The following FAM193A variants were observed in gnomAD, a reference collection of about 807,000 sequenced individuals.
FAM193A encodes protein FAM193A.
A neutral mutation model predicts 126.5 loss-of-function variants in FAM193A; 22 were observed. That is an observed-to-expected ratio of 0.17 (90% CI 0.12 to 0.25). FAM193A has a LOEUF of 0.25. Ranked by LOEUF, FAM193A falls within the 10% of genes least tolerant of loss-of-function variation. The pLI is 1.00. For missense variants in FAM193A, 1,675 were observed against 1,672.8 expected (o/e 1.00, Z -0.02); for synonymous variants, 761 against 646.8 (o/e 1.18, Z -2.68).
intron 1 of FAM193A, among the ~76,000 whole-genome samples, chr4:2,562,335 C>G (rs1325428720): frequency 6.6e-6 from 1 of 152,016 alleles, no homozygotes; most frequent in African/African-American, 2.4e-5. Context: ...GCCTGTAGTC[C>G]TAGCTACCCA....
chr4:2,651,325 T>TG (rs750284562), intron 7 of FAM193A, among the ~76,000 whole-genome samples: 3 of 151,860 alleles, frequency 2.0e-5, no homozygotes, highest in African/African-American at 7.3e-5. Flanking sequence ...AGTGAAACTC[T>TG]GTCTCAAAAA....
intron 2 of FAM193A, among the ~76,000 whole-genome samples, chr4:2,607,409 C>T (rs1393931467): frequency 1.3e-5 from 2 of 152,114 alleles, no homozygotes; most frequent in Non-Finnish European, 2.9e-5. Flanking sequence ...GTGAAAAAGG[C>T]AGAGGACATT....
chr4:2,547,604 CTG>C (rs34348453), intron 1 of FAM193A, among the ~76,000 whole-genome samples: 46 of 144,642 alleles, frequency 3.2e-4, no homozygotes, highest in Admixed American at 3.5e-4. Context: ...GTGTGTGTGT[CTG>C]TGTGTGTGTG....
At chr4:2,620,651 C>A (rs1455080672) in intron 2 of FAM193A, among the ~76,000 whole-genome samples, 1 of 151,826 alleles carries the variant, frequency 6.6e-6, no homozygotes, top group African/African-American at 2.4e-5. Context: ...AGTTGGGAGA[C>A]CAGCCTTGTC....
At chr4:2,617,688 A>G (rs543407241) in intron 2 of FAM193A, among the ~76,000 whole-genome samples, 207 of 152,290 alleles carry the variant, frequency 1.4e-3, no homozygotes, top group Non-Finnish European at 2.5e-3. Context: ...AAAGAATAGT[A>G]TACCACTTCA....
chr4:2,595,367 A>G (rs1577053379), intron 1 of FAM193A, among the ~76,000 whole-genome samples: 2 of 151,974 alleles, frequency 1.3e-5, no homozygotes, highest in Admixed American at 1.3e-4. Context: ...CTTTTTCTGT[A>G]TTTGTGTTTT....
chr4:2,582,455 TC>T (rs1414148342), intron 1 of FAM193A, among the ~76,000 whole-genome samples: 1 of 152,144 alleles, frequency 6.6e-6, no homozygotes, highest in Non-Finnish European at 1.5e-5. Flanking sequence ...TTTCCTTCCT[TC>T]CTTCTCCTTC....
intron 2 of FAM193A, among the ~76,000 whole-genome samples, chr4:2,619,139 G>A (rs1439175196): frequency 6.6e-6 from 1 of 151,880 alleles, no homozygotes; most frequent in Non-Finnish European, 1.5e-5. Flanking sequence ...TCTCAGCTCT[G>A]GAAGTTTCAT....
intron 1 of FAM193A, among the ~76,000 whole-genome samples, chr4:2,568,973 C>CTTTTTTTTTTTTTTTTTTTTTGT (rs1739132433): frequency 2.2e-5 from 2 of 90,724 alleles, no homozygotes; most frequent in African/African-American, 4.6e-5. Context: ...TGTTGTTTTG[C>CTTTTTTTTTTTTTTTTTTTTTGT]TTTTTTTTTT....
chr4:2,575,297 G>A (rs1739523221), intron 1 of FAM193A, among the ~76,000 whole-genome samples: 1 of 152,266 alleles, frequency 6.6e-6, no homozygotes, highest in South Asian at 2.1e-4. Flanking sequence ...ACTTGGACAT[G>A]GTGATCATGG....
At chr4:2,664,126 T>G (rs991666946) in intron 12 of FAM193A, among the ~76,000 whole-genome samples, 5 of 152,220 alleles carry the variant, frequency 3.3e-5, no homozygotes, top group Non-Finnish European at 7.3e-5. Context: ...TGACCACATC[T>G]CCTTACCAGT....
rs140181065 is a variant in FAM193A, at chr4:2,732,396, CT to C, written c.*530del. 2,048 of 166,102 alleles carry C rather than the reference CT, an allele frequency of 0.012. 49 individuals carry two copies. The highest frequency in any genetic ancestry group is 0.047 in the African/African-American group (1,963 of 41,912). 10.3% of individuals were successfully genotyped at this position (166,102 alleles called of 1,614,324 possible). On this transcript the variant is annotated 3_prime_UTR_variant, in exon 21 of 21. Coordinates refer to ENST00000637812, the MANE Select transcript of FAM193A (RefSeq NM_001366318.2). ...CTTGTAGCCAGCTTGTGTAAGATCCCTTGCAGAACGAGAAAGTTAAAAACAA... is the reference window on the plus strand; with the variant it reads ...CTTGTAGCCAGCTTGTGTAAGATCCCTGCAGAACGAGAAAGTTAAAAACAA...
rs1183125138 is a variant in FAM193A, at chr4:2,616,812, C to T, written c.502-8450C>T. Among the ~76,000 whole-genome samples, 6 of 151,192 alleles carry T rather than the reference C, an allele frequency of 4.0e-5. No homozygotes were observed. In the East Asian group the frequency reaches 8.0e-4, roughly 20 times the overall value. The stretch of plus-strand genomic sequence containing the variant: ...TGATCTCCTGACCTCATGATCTGCC[C>T]GCCCTGGCCTCCCAAAGTGCTGGGG... On this transcript the variant is annotated intron_variant, in intron 2 of 20. Coordinates refer to ENST00000637812, the MANE Select transcript of FAM193A (RefSeq NM_001366318.2).
intron 1 of FAM193A, among the ~76,000 whole-genome samples, chr4:2,580,422 A>G (rs1192466390): frequency 6.6e-6 from 1 of 152,058 alleles, no homozygotes; most frequent in African/African-American, 2.4e-5. Flanking sequence ...CGGTACAACA[A>G]ACGCCTGTGA....
Position 2,689,611 on chromosome 4 carries a change from T to C in FAM193A, c.2437T>C (p.Trp813Arg), listed in dbSNP as rs767548198. 6.4e-7 allele frequency: 1 copy of C among 1,568,038 alleles called. No homozygotes were observed. The change falls in exon 14 of 21, where the codon TGG becomes CGG. Residue 813 changes from tryptophan (W) to arginine (R), a missense_variant. Coordinates refer to ENST00000637812, the MANE Select transcript of FAM193A (RefSeq NM_001366318.2). ...GAGCTGTTTTGGGAATACTCCAGAG[T>C]GGAATAGTTCTAAATTTATAAGTCT... The part of the protein sequence containing the change: ...YPSCFGNTPE[W>R]NSSKFISLWG...
At chr4:2,680,049 C>T (rs1365801813) in intron 13 of FAM193A, among the ~76,000 whole-genome samples, 2 of 151,596 alleles carry the variant, frequency 1.3e-5, no homozygotes, top group African/African-American at 2.4e-5. Context: ...TTAGTAGAGA[C>T]GGGGTTTTGC....
Position 2,659,850 on chromosome 4 carries a change from C to T in FAM193A, c.1541C>T (p.Thr514Met), listed in dbSNP as rs773879823. 1.5e-5 allele frequency: 25 copies of T among 1,613,928 alleles called. No individual in the cohort carries two copies. The highest frequency in any genetic ancestry group is 2.7e-5 in the African/African-American group (2 of 74,904). Residue 514 changes from threonine to methionine, a missense_variant, in exon 10 of 21, where the codon ACG (threonine) becomes ATG (methionine). By Grantham distance (81) the Thr-to-Met change is moderately conservative. Transcript: ENST00000637812. ...CDDCSLSHIL[T>M]CGIMDPPVTD... is the part of the protein sequence containing the mutation. The stretch of plus-strand genomic sequence containing the variant: ...GACTGCAGTCTCTCACACATCCTCA[C>T]GTGTGGTATCATGGACCCCCCCGTC...
At chr4:2,731,512 C>T (rs1213619933) in intron 20 of FAM193A, among the ~76,000 whole-genome samples, 2 of 152,042 alleles carry the variant, frequency 1.3e-5, no homozygotes, top group Non-Finnish European at 2.9e-5. Context: ...AGGGCGCTCA[C>T]AGCTCTCAGA....
rs2108802117 is a variant in FAM193A, at chr4:2,541,304, C to A, written c.255+4134C>A. Among the ~76,000 whole-genome samples, 2 of 152,094 alleles carry A rather than the reference C, an allele frequency of 1.3e-5. 1 individual carries two copies. Among genetic ancestry groups the A allele is most frequent in the South Asian group, 4.1e-4 (2 of 4,828 alleles). ...CTGAGATTGTGCCATTGCACTCCAGCCTGGGCAACAAAAGCGAAACTCTGT... is the reference window on the plus strand; with the variant it reads ...CTGAGATTGTGCCATTGCACTCCAGACTGGGCAACAAAAGCGAAACTCTGT... On this transcript the variant is annotated intron_variant, in intron 1 of 20. Coordinates refer to ENST00000637812, the MANE Select transcript of FAM193A (RefSeq NM_001366318.2).
Sources: gnomAD v4.1 joint callset for allele counts (sites outside exome capture counted in the v4.1 genomes callset) on GRCh38, gnomAD v4.1.1 for gene constraint, MANE v1.5 for transcripts, NCBI Gene and HGNC (gene_info 2026-07-23, HGNC 2026-07-21) for gene names.